Variants in ATP6V1G3 observed in about 807,000 individuals in gnomAD.
The protein encoded by ATP6V1G3 is V-type proton ATPase subunit G 3.
A neutral mutation model predicts 9.3 loss-of-function variants in ATP6V1G3; 9 were observed. The ratio of observed to expected loss-of-function variants is 0.97; its 90% CI spans 0.59 to 1.69. The LOEUF is 1.69. Among genes scored for constraint, ATP6V1G3 ranks in the 40% most tolerant of loss-of-function variants. ATP6V1G3 has a pLI of 0.00. For missense variants in ATP6V1G3, 133 were observed against 139.0 expected (o/e 0.96, Z 0.22); for synonymous variants, 43 against 43.8 (o/e 0.98, Z 0.07).
chr1:198,527,925 C>G (rs902322856), intron 2 of ATP6V1G3, among the ~76,000 whole-genome samples: 1 of 151,994 alleles, frequency 6.6e-6, no homozygotes, highest in Admixed American at 6.6e-5. Context: ...GAATAGAGAT[C>G]AAAGAAAGAT....
chr1:198,536,544 A>T, intron 1 of ATP6V1G3: 1 of 631,852 alleles, frequency 1.6e-6, no homozygotes, highest in African/African-American at 1.8e-5. Flanking sequence ...AGTGCAAACT[A>T]CTGTGATTTC....
chr1:198,523,604 A>G, intron 2 of ATP6V1G3, 40 bp from the exon 3 acceptor site: 8 of 1,572,590 alleles, frequency 5.1e-6, no homozygotes, highest in Non-Finnish European at 4.3e-6. Flanking sequence ...TCATAATACA[A>G]TTGTTTTACA....
At chr1:198,526,815 A>G (rs1345884191) in intron 2 of ATP6V1G3, among the ~76,000 whole-genome samples, 1 of 152,188 alleles carries the variant, frequency 6.6e-6, no homozygotes, top group Non-Finnish European at 1.5e-5. Flanking sequence ...GCCCAAGGCA[A>G]CCATTTTCAG....
At chr1:198,536,203 A>T (rs1660107923) in intron 1 of ATP6V1G3, among the ~76,000 whole-genome samples, 1 of 152,196 alleles carries the variant, frequency 6.6e-6, no homozygotes, top group African/African-American at 2.4e-5. Flanking sequence ...GTATTTCAGA[A>T]CAATGTTAAT....
intron 1 of ATP6V1G3, among the ~76,000 whole-genome samples, chr1:198,536,259 TA>T (rs2103143034): frequency 6.6e-6 from 1 of 152,312 alleles, no homozygotes; most frequent in African/African-American, 2.4e-5. Context: ...GTAAGTGAAG[TA>T]AATACTTCTC....
chr1:198,529,205 T>G, intron 1 of ATP6V1G3, 24 bp from the exon 2 acceptor site: 1 of 455,528 alleles, frequency 2.2e-6, no homozygotes, highest in Non-Finnish European at 3.3e-6. Context: ...AATATATATA[T>G]ATATATATAT....
intron 1 of ATP6V1G3, among the ~76,000 whole-genome samples, chr1:198,532,249 C>G (rs1396383192): frequency 1.3e-5 from 2 of 152,026 alleles, no homozygotes; most frequent in Non-Finnish European, 2.9e-5. Flanking sequence ...GCTAAGGTCT[C>G]AGCTTGGGGG....
intron 1 of ATP6V1G3, among the ~76,000 whole-genome samples, chr1:198,532,110 G>A (rs950208387): frequency 2.6e-5 from 4 of 152,110 alleles, no homozygotes; most frequent in Non-Finnish European, 1.5e-5. Flanking sequence ...AAATTGGGAT[G>A]CAGGAGGAAG....
intron 2 of ATP6V1G3, among the ~76,000 whole-genome samples, chr1:198,527,966 G>A (rs1028264603): frequency 9.9e-5 from 15 of 152,058 alleles, no homozygotes; most frequent in East Asian, 3.8e-4. Context: ...ATTGTAGGGC[G>A]TGAGAATGGT....
chr1:198,528,121 T>C (rs570832226), intron 2 of ATP6V1G3, among the ~76,000 whole-genome samples: 7 of 152,246 alleles, frequency 4.6e-5, no homozygotes, highest in African/African-American at 1.7e-4. Context: ...TGGAGTGTTG[T>C]ATGAACTTAG....
chr1:198,527,867 G>C (rs1352157650), intron 2 of ATP6V1G3, among the ~76,000 whole-genome samples: 2 of 152,154 alleles, frequency 1.3e-5, no homozygotes, highest in Non-Finnish European at 2.9e-5. Flanking sequence ...ATGTGTTTAT[G>C]ACAGACACAA....
At chr1:198,538,167 A>G (rs1473456174) in intron 1 of ATP6V1G3, among the ~76,000 whole-genome samples, 1 of 152,194 alleles carries the variant, frequency 6.6e-6, no homozygotes, top group Non-Finnish European at 1.5e-5. Flanking sequence ...AATATTCATG[A>G]ACAAAGACAT....
chr1:198,529,217 A>ATAG, intron 1 of ATP6V1G3, 36 bp from the exon 2 acceptor site: 1 of 374,050 alleles, frequency 2.7e-6, no homozygotes, highest in Non-Finnish European at 4.1e-6. Context: ...TATATATATA[A>ATAG]TTATATATAT....
At chr1:198,534,178 G>T (rs796723270) in intron 1 of ATP6V1G3, among the ~76,000 whole-genome samples, 4 of 152,240 alleles carry the variant, frequency 2.6e-5, no homozygotes, top group African/African-American at 9.6e-5. Context: ...TGGAAATAGG[G>T]TCTTTGCAGA....
intron 1 of ATP6V1G3, among the ~76,000 whole-genome samples, chr1:198,532,794 G>C (rs1448669157): frequency 2.0e-5 from 3 of 152,144 alleles, no homozygotes; most frequent in Non-Finnish European, 4.4e-5. Context: ...GAGGTGGGAG[G>C]ATATTTGCCA....
chr1:198,536,008 T>TTG (rs1553275082), intron 1 of ATP6V1G3, among the ~76,000 whole-genome samples: 2 of 152,036 alleles, frequency 1.3e-5, no homozygotes, highest in African/African-American at 4.8e-5. Context: ...CATTTTTTTT[T>TTG]GCTATTTCTT....
chr1:198,532,114 G>A (rs1659924622), intron 1 of ATP6V1G3, among the ~76,000 whole-genome samples: 1 of 152,130 alleles, frequency 6.6e-6, no homozygotes, highest in South Asian at 2.1e-4. Flanking sequence ...TGGGATGCAG[G>A]AGGAAGGTCT....
At chr1:198,524,730 A>T (rs150939144) in intron 2 of ATP6V1G3, among the ~76,000 whole-genome samples, 1 of 152,314 alleles carries the variant, frequency 6.6e-6, no homozygotes, top group African/African-American at 2.4e-5. Context: ...AAAAAAAATC[A>T]ACTCCTAACG....
In ATP6V1G3 at chr1:198,523,270, A is replaced by G. The variant is rs2103127891; in HGVS notation, c.*121T>C. The G allele has an allele frequency of 2.0e-6, 2 of 991,298 alleles. No individual in the cohort carries two copies. The highest frequency in any genetic ancestry group is 3.0e-6 in the Non-Finnish European group (2 of 669,022). 61.4% of individuals were successfully genotyped at this position (991,298 alleles called of 1,614,324 possible). A position where few individuals can be genotyped will look rare whatever the true frequency, so the allele number is the denominator to read the frequency against. ...AGTGCCGATGTATGAGTTATGTCAC[A>G]TTTCCTGTAAATGTAAATTTAAGGT... is the stretch of plus-strand genomic sequence containing the variant. On this transcript the variant is annotated 3_prime_UTR_variant, in exon 3 of 3. Coordinates refer to ENST00000367382, the MANE Select transcript of ATP6V1G3 (RefSeq NM_001376861.1).
Sources: gnomAD v4.1 joint callset for allele counts (sites outside exome capture counted in the v4.1 genomes callset) on GRCh38, gnomAD v4.1.1 for gene constraint, MANE v1.5 for transcripts, NCBI Gene and HGNC (gene_info 2026-07-23, HGNC 2026-07-21) for gene names.